Variants in CTXND2 observed in about 807,000 individuals in gnomAD.
The protein encoded by CTXND2 is cortexin domain containing 2.
At chr1:150,907,646 A>G (rs1368674181) in intron 1 of CTXND2, among the ~76,000 whole-genome samples, 2 of 150,270 alleles carry the variant, frequency 1.3e-5, no homozygotes, top group Non-Finnish European at 2.9e-5. Flanking sequence ...GTGTGGTCAC[A>G]TGTTTTCATT....
chr1:150,899,811 G>T (rs1668968473), intron 1 of CTXND2, among the ~76,000 whole-genome samples: 1 of 152,144 alleles, frequency 6.6e-6, no homozygotes, highest in Admixed American at 6.6e-5. Flanking sequence ...CAAAACACCA[G>T]CCAGGTGTGA....
intron 1 of CTXND2, among the ~76,000 whole-genome samples, chr1:150,909,178 C>T (rs988606142): frequency 1.3e-4 from 19 of 145,832 alleles, no homozygotes; most frequent in African/African-American, 4.9e-4. Flanking sequence ...GCAGAGGTTG[C>T]AGTGAGCCGA....
chr1:150,910,132 TC>T (rs377382377), intron 1 of CTXND2, among the ~76,000 whole-genome samples: 22 of 149,340 alleles, frequency 1.5e-4, no homozygotes, highest in African/African-American at 4.7e-4. Context: ...TTTTTTTTTT[TC>T]TTTTTTTTTT....
At chr1:150,901,085 CT>C (rs1231420987) in intron 1 of CTXND2, among the ~76,000 whole-genome samples, 3 of 152,138 alleles carry the variant, frequency 2.0e-5, no homozygotes, top group African/African-American at 7.2e-5. Flanking sequence ...GCACTCCAGC[CT>C]GGGTGACAGA....
At position 150,897,649 on chromosome 1, in the gene CTXND2, G is replaced by A. The variant is rs587626173; in HGVS notation, c.-74+10336G>A. On this transcript the variant is annotated intron_variant, in intron 1 of 1. Coordinates refer to ENST00000636087, the Ensembl canonical transcript of CTXND2. Reference sequence around the variant, plus strand: ...CCAAAAGGATATTAATAGATACAGGGAGTGAGAAATCACTGCAATTTTGAA... The same window carrying A: ...CCAAAAGGATATTAATAGATACAGGAAGTGAGAAATCACTGCAATTTTGAA... Among the ~76,000 whole-genome samples the A allele has an allele frequency of 5.9e-5, 9 of 152,294 alleles. No individual in the cohort carries two copies. In the South Asian group the frequency reaches 1.9e-3, roughly 32 times the overall value.
chr1:150,895,484 T>C (rs1477973840), intron 1 of CTXND2, among the ~76,000 whole-genome samples: 2 of 152,020 alleles, frequency 1.3e-5, no homozygotes, highest in African/African-American at 2.4e-5. Context: ...TCTGGAATTA[T>C]AGGTGCGCAC....
intron 1 of CTXND2, chr1:150,904,087 G>A (rs1200326970): frequency 6.0e-6 from 4 of 663,750 alleles, no homozygotes; most frequent in East Asian, 3.2e-5. Context: ...GAGAGGATAC[G>A]CTGATGGAGT....
intron 1 of CTXND2, among the ~76,000 whole-genome samples, chr1:150,906,017 C>T (rs1205502617): frequency 8.6e-5 from 13 of 150,652 alleles, no homozygotes; most frequent in East Asian, 1.9e-4. Flanking sequence ...GAACTGGGGC[C>T]GGGTGTGGTG....
At chr1:150,912,561 C>G (rs1669274150) in exon 2 of CTXND2, 2 of 397,722 alleles carry the variant, frequency 5.0e-6, no homozygotes, top group South Asian at 2.7e-4. Flanking sequence ...TTTCACCTCC[C>G]TGTTTCTCAG....
intron 1 of CTXND2, among the ~76,000 whole-genome samples, chr1:150,895,823 A>G (rs587693453): frequency 2.0e-5 from 3 of 152,324 alleles, no homozygotes; most frequent in Non-Finnish European, 4.4e-5. Context: ...CAAAGATGAC[A>G]CAATTTATAA....
At chr1:150,892,084 T>G (rs1320553142) in intron 1 of CTXND2, among the ~76,000 whole-genome samples, 2 of 152,082 alleles carry the variant, frequency 1.3e-5, no homozygotes, top group Non-Finnish European at 2.9e-5. Flanking sequence ...TGAGAGAAGG[T>G]GGAAAATTAA....
At chr1:150,907,704 CTTTTTTTTTTTTTTT>C (rs34842844) in intron 1 of CTXND2, among the ~76,000 whole-genome samples, 1 of 71,460 alleles carries the variant, frequency 1.4e-5, no homozygotes, top group East Asian at 4.6e-4. Context: ...CATATGGTGG[CTTTTTTTTTTTTTTT>C]TTTTTTTTGA....
chr1:150,907,520 T>C (rs1669170542), intron 1 of CTXND2, among the ~76,000 whole-genome samples: 2 of 152,348 alleles, frequency 1.3e-5, no homozygotes, highest in Middle Eastern at 3.4e-3. Context: ...TAATAGTCTA[T>C]TGTGTAGACA....
chr1:150,894,498 T>C (rs1221913047), intron 1 of CTXND2, among the ~76,000 whole-genome samples: 1 of 152,216 alleles, frequency 6.6e-6, no homozygotes, highest in African/African-American at 2.4e-5. Flanking sequence ...TGGTGGTTTA[T>C]ATCTATTTCT....
chr1:150,902,494 G>A (rs779792964), intron 1 of CTXND2, among the ~76,000 whole-genome samples: 1 of 152,068 alleles, frequency 6.6e-6, no homozygotes, highest in South Asian at 2.1e-4. Flanking sequence ...CTTGAGCCCA[G>A]GAGACAGAGG....
intron 1 of CTXND2, chr1:150,903,966 G>A (rs1203328213): frequency 1.5e-6 from 1 of 647,992 alleles, no homozygotes; most frequent in Middle Eastern, 2.9e-4. Context: ...GTGGAAAAGG[G>A]AGGCAAGCAC....
intron 1 of CTXND2, among the ~76,000 whole-genome samples, chr1:150,902,955 C>G (rs1272513873): frequency 1.3e-5 from 2 of 152,032 alleles, no homozygotes; most frequent in African/African-American, 4.8e-5. Context: ...TACTCTCAAC[C>G]CTTTTTATCC....
chr1:150,908,596 T>G (rs138769099), intron 1 of CTXND2, among the ~76,000 whole-genome samples: 1 of 152,248 alleles, frequency 6.6e-6, no homozygotes, highest in East Asian at 1.9e-4. Context: ...ATCCTTTGCC[T>G]AATTTTTAAT....
intron 1 of CTXND2, among the ~76,000 whole-genome samples, chr1:150,910,133 CTT>C (rs1338323220): frequency 3.4e-5 from 4 of 119,128 alleles, no homozygotes; most frequent in Non-Finnish European, 3.5e-5. Context: ...TTTTTTTTTT[CTT>C]TTTTTTTTTT....
Sources: gnomAD v4.1 joint callset for allele counts (sites outside exome capture counted in the v4.1 genomes callset) on GRCh38, gnomAD v4.1.1 for gene constraint, MANE v1.5 for transcripts, NCBI Gene and HGNC (gene_info 2026-07-23, HGNC 2026-07-21) for gene names.